The following SRSF12 variants were observed in gnomAD, a reference collection of about 807,000 sequenced individuals.
The protein encoded by SRSF12 is serine and arginine rich splicing factor 12.
SRSF12 carries 21 observed loss-of-function variants against 34.1 expected under a neutral mutation model. The ratio of observed to expected loss-of-function variants is 0.62; its 90% CI spans 0.44 to 0.89. The LOEUF is 0.89. SRSF12 is among the 40% of genes least tolerant of loss of function. The pLI, the probability that SRSF12 is intolerant of heterozygous loss-of-function variation, is 0.00. For missense variants in SRSF12, 278 were observed against 327.8 expected, an observed-to-expected ratio of 0.85 and a Z score of 1.17; for synonymous variants, 111 against 110.8, an observed-to-expected ratio of 1.00 and a Z score of -0.01.
chr6:89,118,047 A>T lies in SRSF12; in HGVS notation c.-160T>A, dbSNP rs1365650364. On this transcript the variant is annotated 5_prime_UTR_variant, in exon 1 of 5. Coordinates refer to ENST00000452027, the MANE Select transcript of SRSF12 (RefSeq NM_080743.5). ...CGCGCAGCCGCAGAGGCCGGCGCAG[A>T]GGGGGCGCAGCGCGGCGCCAGCCTG... The T allele has an allele frequency of 2.1e-6, 1 of 487,186 alleles. No homozygotes were observed. Among genetic ancestry groups the T allele is most frequent in the Non-Finnish European group, 3.0e-6 (1 of 329,058 alleles). The allele number at this position is 487,186 out of a possible 1,614,324, so 30.2% of individuals were successfully genotyped here.
rs1411247241 is a variant in SRSF12, at chr6:89,117,908, C to T, written c.-21G>A. The T allele has an allele frequency of 6.4e-7, 1 of 1,554,762 alleles. No homozygotes were observed. The highest frequency in any genetic ancestry group is 8.7e-7 in the Non-Finnish European group (1 of 1,153,868). On this transcript the variant is annotated 5_prime_UTR_variant, in exon 1 of 5. Coordinates refer to ENST00000452027, the MANE Select transcript of SRSF12 (RefSeq NM_080743.5). ...GACATGACCGCTTCCTCCGTTCCCT[C>T]CGGGTCTGCCCGCGGCCGCTGGACT...
chr6:89,117,852 C>CA lies in SRSF12; in HGVS notation c.35dup (p.Phe13ValfsTer12). On this transcript the variant is annotated frameshift_variant, in exon 1 of 5. Transcript: ENST00000452027. LOFTEE classifies it high-confidence loss of function. ...TGGCGTCCGCGACGTTCCTGATGAA[C>CA]AGGGAGGTGTTGGGGGGCCTCGTGT... The CA allele has an allele frequency of 6.4e-7, 1 of 1,562,004 alleles. No individual in the cohort carries two copies. The highest frequency in any genetic ancestry group is 8.6e-7 in the Non-Finnish European group (1 of 1,156,356).
At chr6:89,100,522 T>TA (rs35086229) in intron 4 of SRSF12, among the ~76,000 whole-genome samples, 32 of 144,762 alleles carry the variant, frequency 2.2e-4, no homozygotes, top group East Asian at 6.0e-4. Flanking sequence ...CATGTTATGT[T>TA]AAAAAAAAAA....
chr6:89,098,985 CAAA>C (rs1562191121), intron 4 of SRSF12, 38 bp from the exon 5 acceptor site: 4 of 1,553,208 alleles, frequency 2.6e-6, no homozygotes, highest in Non-Finnish European at 3.5e-6. Context: ...ATATTTCACA[CAAA>C]ATAAGAGATC....
At chr6:89,107,848 A>T (rs182377740) in intron 1 of SRSF12, among the ~76,000 whole-genome samples, 1 of 152,160 alleles carries the variant, frequency 6.6e-6, no homozygotes, top group East Asian at 1.9e-4. Flanking sequence ...CTTTACAAGC[A>T]CTCCAGGTGG....
chr6:89,112,066 G>A (rs565675006), intron 1 of SRSF12, among the ~76,000 whole-genome samples: 1 of 151,980 alleles, frequency 6.6e-6, no homozygotes, highest in African/African-American at 2.4e-5. Context: ...GGAGTGCAAG[G>A]GCGTGATCTC....
At chr6:89,100,025 A>G (rs1189210742) in intron 4 of SRSF12, among the ~76,000 whole-genome samples, 1 of 152,176 alleles carries the variant, frequency 6.6e-6, no homozygotes, top group Non-Finnish European at 1.5e-5. Flanking sequence ...TAAGCTGAAG[A>G]GAGAAAAGTT....
intron 1 of SRSF12, among the ~76,000 whole-genome samples, chr6:89,116,333 C>T (rs1166308149): frequency 6.6e-6 from 1 of 152,004 alleles, no homozygotes; most frequent in East Asian, 1.9e-4. Context: ...TTAATTCTGC[C>T]CAAATCATAA....
Position 89,096,466 on chromosome 6 carries a change from A to G in SRSF12, c.*2112T>C, listed in dbSNP as rs1768290480. ...TGCCAAGCATGTACTAAATGCTCAAAAGAGTTTGAGCTATTATCATTCCAG... is the reference window on the plus strand; with the variant it reads ...TGCCAAGCATGTACTAAATGCTCAAGAGAGTTTGAGCTATTATCATTCCAG... On this transcript the variant is annotated 3_prime_UTR_variant, in exon 5 of 5. Transcript: ENST00000452027. The G allele has an allele frequency of 6.6e-6, 1 of 152,242 alleles. No homozygotes were observed. The highest frequency in any genetic ancestry group is 1.5e-5 in the Non-Finnish European group (1 of 68,036). The allele number at this position is 152,242 out of a possible 1,614,324, so 9.4% of individuals were successfully genotyped here. A position where few individuals can be genotyped will look rare whatever the true frequency, so the allele number is the denominator to read the frequency against.
intron 4 of SRSF12, among the ~76,000 whole-genome samples, chr6:89,102,290 C>T (rs897273659): frequency 5.9e-5 from 9 of 152,050 alleles, no homozygotes; most frequent in South Asian, 2.1e-4. Context: ...ATTACAGGCA[C>T]GTGCCACCAT....
At chr6:89,102,034 T>A (rs2127990984) in intron 4 of SRSF12, among the ~76,000 whole-genome samples, 1 of 151,928 alleles carries the variant, frequency 6.6e-6, no homozygotes, top group South Asian at 2.1e-4. Context: ...CTAAATATTC[T>A]TTAGACTGAA....
At chr6:89,108,688 G>C (rs1190824749) in intron 1 of SRSF12, among the ~76,000 whole-genome samples, 1 of 152,192 alleles carries the variant, frequency 6.6e-6, no homozygotes, top group Non-Finnish European at 1.5e-5. Flanking sequence ...AGGAAGAAAA[G>C]AGGCAAAAGA....
chr6:89,104,887 T>C (rs1327438267), intron 4 of SRSF12, among the ~76,000 whole-genome samples: 1 of 151,826 alleles, frequency 6.6e-6, no homozygotes, highest in Non-Finnish European at 1.5e-5. Flanking sequence ...ACCTCCAATC[T>C]CTACAAAAAA....
intron 4 of SRSF12, among the ~76,000 whole-genome samples, chr6:89,100,206 G>A (rs917252895): frequency 1.3e-5 from 2 of 152,244 alleles, no homozygotes; most frequent in Middle Eastern, 3.4e-3. Context: ...GCAAAAAACC[G>A]GAATTCAGAA....
chr6:89,103,623 G>A (rs1369168687), intron 4 of SRSF12, among the ~76,000 whole-genome samples: 1 of 150,832 alleles, frequency 6.6e-6, no homozygotes, highest in Non-Finnish European at 1.5e-5. Context: ...AAGCCACTGC[G>A]CCTGGCCTGA....
At chr6:89,108,420 G>C (rs1292683731) in intron 1 of SRSF12, among the ~76,000 whole-genome samples, 1 of 152,192 alleles carries the variant, frequency 6.6e-6, no homozygotes, top group Non-Finnish European at 1.5e-5. Flanking sequence ...AGGTGATACA[G>C]ACAGAGTAAC....
At position 89,117,865 on chromosome 6, in the gene SRSF12, G is replaced by GGCCA; in HGVS notation, c.22_23insTGGC (p.Pro8LeufsTer18). 1 of 1,563,408 alleles carries GGCCA rather than the reference G, an allele frequency of 6.4e-7. No homozygotes were observed. The highest frequency in any genetic ancestry group is 8.6e-7 in the Non-Finnish European group (1 of 1,157,022). On this transcript the variant is annotated frameshift_variant, in exon 1 of 5. Coordinates refer to ENST00000452027, the MANE Select transcript of SRSF12 (RefSeq NM_080743.5). LOFTEE classifies it high-confidence loss of function. ...GTTCCTGATGAACAGGGAGGTGTTG[G>GGCCA]GGGGCCTCGTGTAGCGAGACATGAC...
intron 4 of SRSF12, among the ~76,000 whole-genome samples, chr6:89,104,016 T>TTTTTTG (rs1156633258): frequency 1.4e-5 from 1 of 69,854 alleles, no homozygotes; most frequent in African/African-American, 4.7e-5. Flanking sequence ...TTTTTTTTTT[T>TTTTTTG]TGGAGAGACG....
chr6:89,117,806 C>T lies in SRSF12; in HGVS notation c.65+17G>A. On this transcript the variant is annotated intron_variant, in intron 1 of 4. Coordinates refer to ENST00000452027, the MANE Select transcript of SRSF12 (RefSeq NM_080743.5). ...GCCCCTCCTCCGCGCCCCCAACCTG[C>T]AGCCGCGGCCGTTCACCTGGTGGCG... 1 of 1,547,254 alleles carries T rather than the reference C, an allele frequency of 6.5e-7. No individual in the cohort carries two copies.
Sources: allele counts gnomAD v4.1 joint callset (sites outside exome capture counted in the v4.1 genomes callset), GRCh38; gene constraint gnomAD v4.1.1; transcripts MANE v1.5; gene names NCBI Gene and HGNC (gene_info 2026-07-23, HGNC 2026-07-21).